DPY19L1: variants seen among roughly 807,000 people sequenced by gnomAD.
The protein encoded by DPY19L1 is protein C-mannosyl-transferase DPY19L1.
DPY19L1 carries 35 observed loss-of-function variants against 96.9 expected under a neutral mutation model. That is an observed-to-expected ratio of 0.36 (90% CI 0.28 to 0.48). DPY19L1 has a LOEUF of 0.48. DPY19L1 is among the 20% of genes least tolerant of loss of function. The pLI is 0.99. For missense variants in DPY19L1, 521 were observed against 777.9 expected, an observed-to-expected ratio of 0.67 and a Z score of 3.93; for synonymous variants, 205 against 252.6, an observed-to-expected ratio of 0.81 and a Z score of 1.79.
intron 11 of DPY19L1, among the ~76,000 whole-genome samples, chr7:34,956,350 C>CT (rs1397641217): frequency 6.6e-6 from 1 of 152,082 alleles, no homozygotes; most frequent in African/African-American, 2.4e-5. Context: ...AACTGAAGAA[C>CT]TATACTTATT....
intron 1 of DPY19L1, among the ~76,000 whole-genome samples, chr7:35,029,013 G>A (rs950357007): frequency 2.0e-5 from 3 of 152,110 alleles, no homozygotes; most frequent in African/African-American, 7.2e-5. Flanking sequence ...GGTTTTGGCT[G>A]GCTTCTTTAC....
chr7:35,028,124 C>G (rs918993427), intron 1 of DPY19L1, among the ~76,000 whole-genome samples: 1 of 152,138 alleles, frequency 6.6e-6, no homozygotes, highest in Non-Finnish European at 1.5e-5. Context: ...GCCTTTGAGG[C>G]AGATATGGGT....
chr7:34,987,492 A>C (rs184692184), intron 7 of DPY19L1, among the ~76,000 whole-genome samples: 243 of 152,268 alleles, frequency 1.6e-3, no homozygotes, highest in African/African-American at 5.6e-3. Context: ...GAAAATTTTA[A>C]AAAAGTAAAC....
chr7:34,958,126 T>G (rs1318660683), intron 10 of DPY19L1, 56 bp from the exon 11 acceptor site: 2 of 1,270,930 alleles, frequency 1.6e-6, no homozygotes, highest in Non-Finnish European at 2.2e-6. Flanking sequence ...AAAACCTTTG[T>G]TTTTTATTGT....
At chr7:35,011,557 C>G in intron 4 of DPY19L1, 107 bp from the exon 5 acceptor site, 2 of 1,081,718 alleles carry the variant, frequency 1.8e-6, no homozygotes, top group East Asian at 5.3e-5. Context: ...CCTTTCCATA[C>G]CATCCACTTG....
intron 1 of DPY19L1, among the ~76,000 whole-genome samples, chr7:35,036,884 CGAG>C (rs1358316307): frequency 6.6e-6 from 1 of 151,688 alleles, no homozygotes; most frequent in Admixed American, 6.6e-5. Flanking sequence ...GGGAAGCGTG[CGAG>C]GAGAGCTGAG....
chr7:34,979,731 A>G (rs1035946383), intron 7 of DPY19L1, among the ~76,000 whole-genome samples: 1 of 152,182 alleles, frequency 6.6e-6, no homozygotes, highest in Non-Finnish European at 1.5e-5. Flanking sequence ...TCTAGAGATT[A>G]ATAAAATATG....
At chr7:34,999,221 AAAC>A (rs1218798615) in intron 6 of DPY19L1, among the ~76,000 whole-genome samples, 1 of 152,232 alleles carries the variant, frequency 6.6e-6, no homozygotes, top group African/African-American at 2.4e-5. Context: ...TGCCAGAGGA[AAAC>A]AACTAGCCAC....
intron 8 of DPY19L1, among the ~76,000 whole-genome samples, chr7:34,972,052 A>G (rs1784735120): frequency 6.6e-6 from 1 of 152,214 alleles, no homozygotes; most frequent in South Asian, 2.1e-4. Flanking sequence ...CTGACAAAGA[A>G]GGACTTAATC....
chr7:34,956,817 T>A (rs1229715890), intron 11 of DPY19L1, among the ~76,000 whole-genome samples: 2 of 152,080 alleles, frequency 1.3e-5, no homozygotes, highest in Non-Finnish European at 2.9e-5. Flanking sequence ...AATGGGTTTT[T>A]AAATAAATAT....
At position 34,992,546 on chromosome 7, in the gene DPY19L1, T is replaced by C. The variant is rs1311879626; in HGVS notation, c.765-2605A>G. On this transcript the variant is annotated intron_variant, in intron 6 of 21. Coordinates refer to ENST00000638088, the MANE Select transcript of DPY19L1 (RefSeq NM_001366673.1). Reference sequence around the variant, plus strand: ...GTCAGGCACAAAACCTTCCTGCCTTTTTTTTTTTTTTTTTTCCAGAGACTG... The same window carrying C: ...GTCAGGCACAAAACCTTCCTGCCTTCTTTTTTTTTTTTTTTCCAGAGACTG... Among the ~76,000 whole-genome samples the C allele has an allele frequency of 3.6e-5, 3 of 83,132 alleles. No individual in the cohort carries two copies. In the Admixed American group the frequency reaches 5.1e-4, roughly 14 times the overall value. The allele number at this position is 83,132 out of a possible 152,430, so 54.5% of individuals were successfully genotyped here.
intron 2 of DPY19L1, 114 bp from the exon 3 acceptor site, chr7:35,018,083 T>G: frequency 1.5e-6 from 1 of 658,672 alleles, no homozygotes; most frequent in Non-Finnish European, 2.4e-6. Context: ...AATTTTGTAA[T>G]AACACTCAAA....
In DPY19L1 at chr7:34,966,881, A is replaced by G. The variant is rs1784621493; in HGVS notation, c.1092+13T>C. On this transcript the variant is annotated intron_variant, in intron 10 of 21. Coordinates refer to ENST00000638088, the MANE Select transcript of DPY19L1 (RefSeq NM_001366673.1). ...GGCAAACTAAATGGAAAAGAACAAT[A>G]AAAAATTATTACCATGTGTATATAA... The G allele has an allele frequency of 4.0e-6, 6 of 1,514,596 alleles. No individual in the cohort carries two copies. Among genetic ancestry groups the G allele is most frequent in the African/African-American group, 1.4e-5 (1 of 69,538 alleles). 93.8% of individuals were successfully genotyped at this position (1,514,596 alleles called of 1,614,324 possible). A position where few individuals can be genotyped will look rare whatever the true frequency, so the allele number is the denominator to read the frequency against.
At chr7:34,956,877 A>T (rs1047862018) in intron 11 of DPY19L1, among the ~76,000 whole-genome samples, 6 of 152,222 alleles carry the variant, frequency 3.9e-5, no homozygotes, top group African/African-American at 1.4e-4. Flanking sequence ...TGGGTTCTAG[A>T]AATTAAGAAA....
At position 35,037,464 on chromosome 7, in the gene DPY19L1, G is replaced by A; in HGVS notation, c.-70C>T. 3.2e-6 allele frequency: 1 copy of A among 312,076 alleles called. No homozygotes were observed. Among genetic ancestry groups the A allele is most frequent in the Non-Finnish European group, 5.9e-6 (1 of 170,186 alleles). 19.3% of individuals were successfully genotyped at this position (312,076 alleles called of 1,614,324 possible). A position where few individuals can be genotyped will look rare whatever the true frequency, so the allele number is the denominator to read the frequency against. On this transcript the variant is annotated 5_prime_UTR_variant, in exon 1 of 22. Transcript: ENST00000638088. ...CCAGAGAACGGCGGGCTGGCTGGGC[G>A]GCTGGGCGCAGCTCACTCTCCAGCG...
At chr7:35,027,706 C>T (rs1786161212) in intron 1 of DPY19L1, among the ~76,000 whole-genome samples, 3 of 107,346 alleles carry the variant, frequency 2.8e-5, no homozygotes, top group Non-Finnish European at 6.5e-5. Flanking sequence ...GGCATGGTGG[C>T]ACATGTCTGT....
At chr7:34,990,991 C>T (rs1785154373) in intron 6 of DPY19L1, among the ~76,000 whole-genome samples, 1 of 152,232 alleles carries the variant, frequency 6.6e-6, no homozygotes, top group Non-Finnish European at 1.5e-5. Flanking sequence ...CAGGGATAAT[C>T]CATGTAGGGA....
chr7:34,933,138 T>A (rs767185644), intron 21 of DPY19L1, among the ~76,000 whole-genome samples: 1 of 151,900 alleles, frequency 6.6e-6, no homozygotes, highest in Non-Finnish European at 1.5e-5. Context: ...CTGGACCTTT[T>A]TAAAAAAAAA....
At chr7:34,990,038 A>C in intron 6 of DPY19L1, 97 bp from the exon 7 acceptor site, 2 of 897,868 alleles carry the variant, frequency 2.2e-6, no homozygotes, top group Non-Finnish European at 3.4e-6. Context: ...GGTATTATAT[A>C]AGATTTTATA....
Sources: allele counts gnomAD v4.1 joint callset (sites outside exome capture counted in the v4.1 genomes callset), GRCh38; gene constraint gnomAD v4.1.1; transcripts MANE v1.5; gene names NCBI Gene and HGNC (gene_info 2026-07-23, HGNC 2026-07-21).